TNK2: variants seen among roughly 807,000 people sequenced by gnomAD.
TNK2 encodes the protein tyrosine kinase non receptor 2, also known as activated CDC42 kinase 1.
TNK2 carries 83 observed loss-of-function variants against 101.8 expected under a neutral mutation model. The observed-to-expected ratio is 0.82, with a 90% CI of 0.68 to 0.98. The LOEUF is 0.98. Among genes scored for constraint, TNK2 ranks in the 50% least tolerant of loss-of-function variants. The pLI is 0.00. For synonymous variants in TNK2, 804 were observed against 633.0 expected, an observed-to-expected ratio of 1.27 and a Z score of -4.06; for missense variants, 1,665 against 1,483.2, an observed-to-expected ratio of 1.12 and a Z score of -2.01.
At chr3:195,879,487 A>C (rs1751218484) in intron 6 of TNK2, 2 of 230,984 alleles carry the variant, frequency 8.7e-6, no homozygotes, top group African/African-American at 2.3e-5. Context: ...GGGAGAGAAG[A>C]TCACAGGCTG....
rs370374767 is a variant in TNK2, at chr3:195,868,624, G to C, written c.1674C>G (p.Pro558=). The C allele has an allele frequency of 1.6e-5, 25 of 1,591,984 alleles. No individual in the cohort carries two copies. Among genetic ancestry groups the C allele is most frequent in the East Asian group, 9.0e-5 (4 of 44,458 alleles). The change falls in exon 13 of 16, where the codon CCC becomes CCG. Residue 558 remains proline, a synonymous_variant. Coordinates refer to ENST00000672887, the MANE Select transcript of TNK2 (RefSeq NM_001382273.1). Reference sequence around the variant, plus strand: ...AGGGCTTCGCCAGCCACAGCCCTCGGGGCAGGCCTGGCTTCCGCAGGCCCA... The same window carrying C: ...AGGGCTTCGCCAGCCACAGCCCTCGCGGCAGGCCTGGCTTCCGCAGGCCCA... ...KRLGLRKPGL[P]RGLWLAKPSA... is the part of the protein sequence containing the mutation.
intron 4 of TNK2, 26 bp from the exon 5 acceptor site, chr3:195,883,335 C>CTCA: frequency 6.2e-7 from 1 of 1,611,112 alleles, no homozygotes; most frequent in South Asian, 1.1e-5. Flanking sequence ...TTTGCAAGGA[C>CTCA]TCAGGACTTG....
rs757195596 is a variant in TNK2 at position 195,868,306 on chromosome 3, G to A, written c.1992C>T (p.Ser664=). ...CCGCGCCCACGAGGGTGCTGTTGAT[G>A]GAGCAGATCTCAAAGTCATCCTCAT... ...AQDEDDFEIC[S]INSTLVGAGV... The change falls in exon 13 of 16, where the codon TCC becomes TCT. Residue 664 remains serine (S), a synonymous_variant. Transcript: ENST00000672887. 21 of 1,603,636 alleles carry A rather than the reference G, an allele frequency of 1.3e-5. No homozygotes were observed. The highest frequency in any genetic ancestry group is 1.7e-5 in the Non-Finnish European group (20 of 1,179,470).
At chr3:195,883,390 C>T (rs995074380) in intron 4 of TNK2, 81 bp from the exon 5 acceptor site, 20 of 1,542,878 alleles carry the variant, frequency 1.3e-5, no homozygotes, top group African/African-American at 2.7e-5. Flanking sequence ...CCCTCCAACT[C>T]GGCTCAACGA....
At chr3:195,868,775 G>A in intron 12 of TNK2, 66 bp from the exon 13 acceptor site, 1 of 1,466,554 alleles carries the variant, frequency 6.8e-7, no homozygotes, top group Non-Finnish European at 9.0e-7. Context: ...GAGGGGAGGT[G>A]GCACGTGGGA....
At chr3:195,895,604 G>A (rs1187312133) in intron 1 of TNK2, 1 of 1,302,094 alleles carries the variant, frequency 7.7e-7, no homozygotes, top group Non-Finnish European at 9.7e-7. Context: ...AGCTGTGCCA[G>A]CCCCGGGCTG....
At chr3:195,892,896 C>A in intron 1 of TNK2, 1 of 325,638 alleles carries the variant, frequency 3.1e-6, no homozygotes, top group Non-Finnish European at 4.5e-6. Flanking sequence ...GAATCACTGC[C>A]AAGAGGGCGG....
chr3:195,880,424 C>T (rs1031073528), intron 6 of TNK2, among the ~76,000 whole-genome samples: 1 of 127,418 alleles, frequency 7.8e-6, no homozygotes, highest in African/African-American at 3.1e-5. Context: ...CCCAGCAATG[C>T]CCCTTGAAGA....
intron 1 of TNK2, chr3:195,895,345 C>G: frequency 1.3e-6 from 2 of 1,563,214 alleles, no homozygotes; most frequent in South Asian, 1.2e-5. Flanking sequence ...GAAGCAGCGC[C>G]CGCAGCCCCC....
At chr3:195,869,457 CG>C (rs763021620) in intron 12 of TNK2, 39 bp downstream of exon 12, 3 of 1,474,986 alleles carry the variant, frequency 2.0e-6, no homozygotes, top group South Asian at 1.2e-5. Context: ...AGAGAGGGGG[CG>C]GGGGCGGGGG....
At chr3:195,897,809 C>T (rs1760780854) in intron 1 of TNK2, among the ~76,000 whole-genome samples, 1 of 18,248 alleles carries the variant, frequency 5.5e-5, no homozygotes, top group Non-Finnish European at 1.0e-4. Context: ...CCCACCCCCT[C>T]ACCCCCCCAC....
intron 1 of TNK2, chr3:195,895,666 C>T (rs1760283480): frequency 8.4e-7 from 1 of 1,187,986 alleles, no homozygotes; most frequent in Non-Finnish European, 1.1e-6. Context: ...AACCGGGCTC[C>T]ACTCAGCCCT....
chr3:195,878,574 T>G lies in TNK2; in HGVS notation c.1033A>C (p.Lys345Gln), dbSNP rs373491945. The change falls in exon 8 of 16, where the codon AAG becomes CAG. Residue 345 changes from lysine to glutamine, a missense_variant. Transcript: ENST00000672887. The surrounding 1 kb of genome is among the most constrained non-coding windows in gnomAD (Gnocchi z 4.7). Reference protein sequence around the residue: ...NGSQILHKIDKEGERLPRPED... With the variant: ...NGSQILHKIDQEGERLPRPED... ...GGCCGGGGCAGCCGCTCCCCCTCCTTGTCGATCTTATGCAGGATCTGAAGG... is the reference window on the plus strand; with the variant it reads ...GGCCGGGGCAGCCGCTCCCCCTCCTGGTCGATCTTATGCAGGATCTGAAGG... 1.9e-6 allele frequency: 3 copies of G among 1,613,060 alleles called. No homozygotes were observed. The African/African-American group carries it at 4.0e-5, about 22-fold the overall frequency.
At chr3:195,883,107 T>C (rs1212535123) in intron 5 of TNK2, 50 bp downstream of exon 5, 4 of 1,590,442 alleles carry the variant, frequency 2.5e-6, no homozygotes, top group Non-Finnish European at 3.4e-6. Context: ...ACCACACATA[T>C]GGGACCGGAG....
rs1192168006 is a variant in TNK2 at position 195,868,169 on chromosome 3, C to A, written c.2129G>T (p.Gly710Val). 5 of 1,610,062 alleles carry A rather than the reference C, an allele frequency of 3.1e-6. No individual in the cohort carries two copies. Among genetic ancestry groups the A allele is most frequent in the Non-Finnish European group, 1.7e-6 (2 of 1,178,868 alleles). The change falls in exon 13 of 16, where the codon GGC (glycine) becomes GTC (valine). Residue 710 changes from glycine (G) to valine (V), a missense_variant. By Grantham distance (109) the Gly-to-Val change is moderately radical. Around this residue, in one of 3 missense-constraint regions of TNK2, gnomAD observed 1,136 missense variants for 894.9 expected, o/e 1.27. Transcript: ENST00000672887. ...DNLFLPPQGG[G>V]KPPSSAQTAE... ...GGTCTGTGCGGAGCTGGGCGGCTTG[C>A]CCCCACCCTGGGGCGGGAGGAACAG...
intron 10 of TNK2, among the ~76,000 whole-genome samples, chr3:195,871,466 G>A (rs139421236): frequency 1.3e-3 from 195 of 152,190 alleles, no homozygotes; most frequent in Middle Eastern, 3.4e-3. Flanking sequence ...GCAGGTTCAC[G>A]TCTCCAGGAC....
chr3:195,870,470 G>A (rs1173834861), intron 10 of TNK2: 11 of 1,227,244 alleles, frequency 9.0e-6, no homozygotes, highest in African/African-American at 6.2e-5. Flanking sequence ...GGCAGAGGTG[G>A]TCCTCCACAA....
chr3:195,870,599 G>C (rs1421935305), intron 10 of TNK2, among the ~76,000 whole-genome samples: 5 of 152,266 alleles, frequency 3.3e-5, no homozygotes, highest in Non-Finnish European at 5.9e-5. Context: ...GCCAGGGTGG[G>C]CAGGAGGCAC....
chr3:195,876,827 G>A (rs1012766892), intron 9 of TNK2: 14 of 359,560 alleles, frequency 3.9e-5, no homozygotes, highest in Admixed American at 7.5e-5. Flanking sequence ...CGCCTTGCCC[G>A]GGCGGTGACC....
Sources: allele counts gnomAD v4.1 joint callset (sites outside exome capture counted in the v4.1 genomes callset), GRCh38; gene constraint gnomAD v4.1.1; regional missense constraint gnomAD v4.1.1; non-coding constraint Gnocchi (gnomAD v3.1); transcripts MANE v1.5; gene names NCBI Gene and HGNC (gene_info 2026-07-23, HGNC 2026-07-21).